The following ULK4 variants were observed in gnomAD, a reference collection of about 807,000 sequenced individuals.
ULK4 encodes inactive serine/threonine-protein kinase ULK4.
ULK4 carries 133 observed loss-of-function variants against 160.6 expected under a neutral mutation model. That is an observed-to-expected ratio of 0.83 (90% CI 0.72 to 0.96). The LOEUF is 0.96. ULK4 is among the 40% of genes least tolerant of loss of function. ULK4 has a pLI of 0.00. For missense variants in ULK4, 1,580 were observed against 1,499.5 expected (o/e 1.05, Z -0.89); for synonymous variants, 534 against 539.8 (o/e 0.99, Z 0.15).
chr3:41,821,651 G>T (rs2041149924), intron 18 of ULK4, among the ~76,000 whole-genome samples: 1 of 151,928 alleles, frequency 6.6e-6, no homozygotes. Context: ...TATCCCCTCT[G>T]GGTCTTTCCT....
chr3:41,336,681 C>T (rs1559531228), intron 35 of ULK4, among the ~76,000 whole-genome samples: 1 of 152,188 alleles, frequency 6.6e-6, no homozygotes, highest in Non-Finnish European at 1.5e-5. Context: ...TTTGGCCATA[C>T]CACTAACTCT....
At chr3:41,396,019 G>A (rs762084303) in intron 35 of ULK4, among the ~76,000 whole-genome samples, 1 of 152,072 alleles carries the variant, frequency 6.6e-6, no homozygotes, top group Admixed American at 6.6e-5. Flanking sequence ...TAATTAATCT[G>A]TATGATTAAT....
chr3:41,625,738 T>A (rs2033474988), intron 30 of ULK4, among the ~76,000 whole-genome samples: 1 of 152,176 alleles, frequency 6.6e-6, no homozygotes, highest in East Asian at 1.9e-4. Context: ...CATGGGCTTG[T>A]TATATCCTAA....
chr3:41,451,664 A>C (rs2083428057), intron 34 of ULK4, among the ~76,000 whole-genome samples: 1 of 152,072 alleles, frequency 6.6e-6, no homozygotes, highest in Non-Finnish European at 1.5e-5. Flanking sequence ...TGATATTCCA[A>C]TTCAAGTAAT....
intron 33 of ULK4, among the ~76,000 whole-genome samples, chr3:41,459,398 T>C (rs2083632199): frequency 6.6e-6 from 1 of 152,156 alleles, no homozygotes; most frequent in Non-Finnish European, 1.5e-5. Flanking sequence ...CAGCAGGTTT[T>C]AGCACACAGT....
At chr3:41,694,893 A>G (rs1243537428) in intron 27 of ULK4, among the ~76,000 whole-genome samples, 2 of 152,214 alleles carry the variant, frequency 1.3e-5, no homozygotes, top group African/African-American at 2.4e-5. Context: ...GTCTGTGACT[A>G]TATGGTATGT....
At chr3:41,818,483 T>A (rs1301204334) in intron 19 of ULK4, among the ~76,000 whole-genome samples, 4 of 152,232 alleles carry the variant, frequency 2.6e-5, no homozygotes, top group Non-Finnish European at 5.9e-5. Context: ...CCCAAACACG[T>A]CTTTTGATGA....
chr3:41,420,123 A>G (rs1161645147), intron 34 of ULK4, among the ~76,000 whole-genome samples: 1 of 152,164 alleles, frequency 6.6e-6, no homozygotes, highest in East Asian at 1.9e-4. Flanking sequence ...AAGGAAAAAA[A>G]AAGAGTAACA....
At chr3:41,465,176 A>G (rs1482069717) in intron 32 of ULK4, among the ~76,000 whole-genome samples, 1 of 152,250 alleles carries the variant, frequency 6.6e-6, no homozygotes, top group Non-Finnish European at 1.5e-5. Flanking sequence ...TGTTCTTCAT[A>G]GCCAGAACTT....
chr3:41,907,638 C>G (rs1285345332), intron 12 of ULK4, among the ~76,000 whole-genome samples: 1 of 152,088 alleles, frequency 6.6e-6, no homozygotes, highest in Non-Finnish European at 1.5e-5. Flanking sequence ...TCAACTGTAC[C>G]TCAAGGAAAG....
intron 35 of ULK4, among the ~76,000 whole-genome samples, chr3:41,300,417 T>G (rs1261179806): frequency 1.3e-5 from 2 of 152,190 alleles, no homozygotes; most frequent in African/African-American, 4.8e-5. Context: ...TTCCGCTAAA[T>G]GTATGCTTAT....
chr3:41,820,269 C>G (rs927734350), intron 18 of ULK4, among the ~76,000 whole-genome samples: 5 of 152,136 alleles, frequency 3.3e-5, no homozygotes, highest in African/African-American at 1.2e-4. Context: ...TCTCAAAGAA[C>G]TAAAAACAGA....
At chr3:41,684,228 C>A (rs916406524) in intron 27 of ULK4, among the ~76,000 whole-genome samples, 1 of 152,216 alleles carries the variant, frequency 6.6e-6, no homozygotes, top group Non-Finnish European at 1.5e-5. Context: ...ATCTGGCATG[C>A]GAGCAAAAGG....
Position 41,717,617 on chromosome 3 carries a change from C to T in ULK4, c.2455+111G>A, listed in dbSNP as rs1292173189. 4 of 1,314,854 alleles carry T rather than the reference C, an allele frequency of 3.0e-6. No homozygotes were observed. In the Admixed American group the frequency reaches 6.7e-5, roughly 22 times the overall value. The allele number at this position is 1,314,854 out of a possible 1,614,324, so 81.4% of individuals were successfully genotyped here. A position where few individuals can be genotyped will look rare whatever the true frequency, so the allele number is the denominator to read the frequency against. ...CTACATATTCGTTAAAAAGTGTCTG[C>T]ATTTGCCTTCAAGAACAGACAAGTA... On this transcript the variant is annotated intron_variant, in intron 23 of 36. Transcript: ENST00000301831.
intron 22 of ULK4, among the ~76,000 whole-genome samples, chr3:41,732,603 A>G (rs1317482822): frequency 6.6e-6 from 1 of 152,202 alleles, no homozygotes; most frequent in East Asian, 1.9e-4. Flanking sequence ...ATAATCAAGC[A>G]ATCCCACTAT....
chr3:41,354,657 G>A (rs1466041381), intron 35 of ULK4, among the ~76,000 whole-genome samples: 1 of 152,144 alleles, frequency 6.6e-6, no homozygotes, highest in African/African-American at 2.4e-5. Context: ...CTTGACAGAA[G>A]CCAGGTTACA....
intron 34 of ULK4, among the ~76,000 whole-genome samples, chr3:41,408,893 T>C (rs947670988): frequency 2.6e-5 from 4 of 152,078 alleles, no homozygotes; most frequent in African/African-American, 9.7e-5. Flanking sequence ...CTGAGACAAC[T>C]GGACATATAA....
chr3:41,814,014 T>C (rs984307734), intron 19 of ULK4, among the ~76,000 whole-genome samples: 3 of 152,236 alleles, frequency 2.0e-5, no homozygotes, highest in South Asian at 2.1e-4. Context: ...CTGAGTGGGG[T>C]AGACCGCTGC....
intron 35 of ULK4, among the ~76,000 whole-genome samples, chr3:41,300,821 T>C (rs1325835795): frequency 7.4e-6 from 1 of 135,004 alleles, no homozygotes; most frequent in Non-Finnish European, 1.6e-5. Flanking sequence ...TGATTAAATT[T>C]TGATCATTTT....
Sources: gnomAD v4.1 joint callset for allele counts (sites outside exome capture counted in the v4.1 genomes callset) on GRCh38, gnomAD v4.1.1 for gene constraint, MANE v1.5 for transcripts, NCBI Gene and HGNC (gene_info 2026-07-23, HGNC 2026-07-21) for gene names.